Variants in NIM1K observed in about 807,000 individuals in gnomAD.
The protein encoded by NIM1K is serine/threonine-protein kinase NIM1.
NIM1K carries 35 observed loss-of-function variants against 37.1 expected under a neutral mutation model. The ratio of observed to expected loss-of-function variants is 0.94; its 90% CI spans 0.72 to 1.25. The LOEUF (loss-of-function observed/expected upper bound fraction) is 1.25. NIM1K is among the 50% of genes most tolerant of loss of function. The pLI, the probability that NIM1K is intolerant of heterozygous loss-of-function variation, is 0.00. For missense variants in NIM1K, 564 were observed against 548.0 expected (o/e 1.03, Z -0.29); for synonymous variants, 234 against 206.6 (o/e 1.13, Z -1.14).
chr5:43,255,750 A>T (rs201219302), intron 2 of NIM1K, among the ~76,000 whole-genome samples: 2 of 12,180 alleles, frequency 1.6e-4, no homozygotes, highest in African/African-American at 2.3e-4. Flanking sequence ...TCTGTCTCAA[A>T]AAAAAAAGAA....
chr5:43,265,561 A>G (rs1037900172), intron 2 of NIM1K, among the ~76,000 whole-genome samples: 7 of 152,180 alleles, frequency 4.6e-5, no homozygotes, highest in Non-Finnish European at 8.8e-5. Context: ...GATGGGTTCG[A>G]ACATCCTCCT....
At chr5:43,201,217 G>A (rs1044322222) in intron 1 of NIM1K, among the ~76,000 whole-genome samples, 1 of 152,038 alleles carries the variant, frequency 6.6e-6, no homozygotes, top group Non-Finnish European at 1.5e-5. Flanking sequence ...AGACCATTCT[G>A]GCTAACACGG....
chr5:43,280,083 A>G lies in NIM1K; in HGVS notation c.665A>G (p.Lys222Arg), dbSNP rs770034184. 7 of 1,614,200 alleles carry G rather than the reference A, an allele frequency of 4.3e-6. No individual in the cohort carries two copies. Among genetic ancestry groups the G allele is most frequent in the Non-Finnish European group, 5.1e-6 (6 of 1,180,038 alleles). ...GATTTTGGATTCAGCACAGTAAGCA[A>G]AAAAGGTGAAATGCTGAACACTTTC... ...VGDFGFSTVSKKGEMLNTFCG... is the reference protein window; with the variant it reads ...VGDFGFSTVSRKGEMLNTFCG... The change falls in exon 4 of 4, where the codon AAA becomes AGA. Residue 222 changes from lysine (K) to arginine (R), a missense_variant. Physicochemically the swap from Lys to Arg is conservative, Grantham distance 26 (BLOSUM62 2). Transcript: ENST00000326035.
intron 1 of NIM1K, among the ~76,000 whole-genome samples, chr5:43,212,360 T>G (rs1291647200): frequency 6.6e-6 from 1 of 152,156 alleles, no homozygotes; most frequent in East Asian, 1.9e-4. Flanking sequence ...CTGTTCCTGT[T>G]GCAGAGGCCC....
At chr5:43,276,320 G>A (rs1238176184) in intron 2 of NIM1K, among the ~76,000 whole-genome samples, 1 of 152,228 alleles carries the variant, frequency 6.6e-6, no homozygotes, top group African/African-American at 2.4e-5. Flanking sequence ...AAGGTGGAAG[G>A]CACATCACAC....
At chr5:43,266,651 G>A (rs985218389) in intron 2 of NIM1K, among the ~76,000 whole-genome samples, 20 of 152,188 alleles carry the variant, frequency 1.3e-4, no homozygotes, top group Non-Finnish European at 2.1e-4. Flanking sequence ...TGCGATGAAC[G>A]CGGTACCTCA....
intron 2 of NIM1K, among the ~76,000 whole-genome samples, chr5:43,249,177 C>T (rs1448114427): frequency 1.3e-5 from 2 of 151,998 alleles, no homozygotes; most frequent in African/African-American, 4.8e-5. Context: ...TCATGCCATT[C>T]TCCTGCCTCA....
At chr5:43,233,501 G>T (rs1391599981) in intron 1 of NIM1K, among the ~76,000 whole-genome samples, 1 of 152,138 alleles carries the variant, frequency 6.6e-6, no homozygotes, top group Non-Finnish European at 1.5e-5. Context: ...TGGTTTTATG[G>T]TGATAAAACT....
intron 2 of NIM1K, among the ~76,000 whole-genome samples, chr5:43,269,466 T>A (rs1753222109): frequency 6.6e-6 from 1 of 152,158 alleles, no homozygotes; most frequent in South Asian, 2.1e-4. Context: ...GTTTGTGATA[T>A]TTTATCCATT....
chr5:43,280,143 TC>T lies in NIM1K; in HGVS notation c.727del (p.Arg243GlyfsTer23). On this transcript the variant is annotated frameshift_variant, in exon 4 of 4. Transcript: ENST00000326035. LOFTEE classifies it high-confidence loss of function. ...CCTCCCTACGCTGCGCCTGAACTCTTCCGGGACGAGCACTACATCGGCATTT... is the reference window on the plus strand; with the variant it reads ...CCTCCCTACGCTGCGCCTGAACTCTTCGGGACGAGCACTACATCGGCATTT... ...GSPPYAAPELFRDEHYIGIYV... is the reference protein window; with the variant it reads ...GSPPYAAPELXRDEHYIGIYV... The T allele has an allele frequency of 5.6e-6, 9 of 1,614,200 alleles. No individual in the cohort carries two copies. The highest frequency in any genetic ancestry group is 7.6e-6 in the Non-Finnish European group (9 of 1,180,028).
chr5:43,273,807 G>T (rs1753295375), intron 2 of NIM1K, among the ~76,000 whole-genome samples: 1 of 152,164 alleles, frequency 6.6e-6, no homozygotes, highest in Admixed American at 6.5e-5. Flanking sequence ...CCCTTACCCA[G>T]ATAGTGCCTT....
chr5:43,250,471 C>T (rs922026795), intron 2 of NIM1K, among the ~76,000 whole-genome samples: 1 of 152,110 alleles, frequency 6.6e-6, no homozygotes, highest in Admixed American at 6.5e-5. Context: ...AGCATACATT[C>T]CTAGAAGTTA....
In NIM1K at chr5:43,218,814, A is replaced by T. The variant is rs554445788; in HGVS notation, c.-694-26268A>T. ...CACTGCAGCCTCAACTTCTCAACTC[A>T]AGAGATCCTGCCACCTCAGTGCCCC... On this transcript the variant is annotated intron_variant, in intron 1 of 3. Transcript: ENST00000326035. 9.3e-5 allele frequency among the ~76,000 whole-genome samples: 14 copies of T among 150,474 alleles called. No homozygotes were observed. The South Asian group carries it at 2.7e-3, about 29-fold the overall frequency.
At chr5:43,251,999 G>A (rs1053276377) in intron 2 of NIM1K, among the ~76,000 whole-genome samples, 1 of 152,092 alleles carries the variant, frequency 6.6e-6, no homozygotes, top group Non-Finnish European at 1.5e-5. Context: ...GAAGTCTCTG[G>A]GAAGGGAGAA....
intron 1 of NIM1K, among the ~76,000 whole-genome samples, chr5:43,198,360 C>T (rs762334776): frequency 2.7e-5 from 4 of 147,116 alleles, no homozygotes; most frequent in Non-Finnish European, 4.5e-5. Flanking sequence ...TTCTGTCTTG[C>T]TCTCTCTCTC....
At chr5:43,224,603 G>A (rs1238192599) in intron 1 of NIM1K, among the ~76,000 whole-genome samples, 1 of 151,930 alleles carries the variant, frequency 6.6e-6, no homozygotes, top group Non-Finnish European at 1.5e-5. Flanking sequence ...TATAAGTAGA[G>A]GGTTCATTTG....
chr5:43,209,096 C>T (rs1752168091), intron 1 of NIM1K, among the ~76,000 whole-genome samples: 2 of 152,164 alleles, frequency 1.3e-5, no homozygotes, highest in African/African-American at 4.8e-5. Context: ...ACATCACACC[C>T]TAAAAATAAA....
chr5:43,246,778 C>T (rs1276994778), intron 2 of NIM1K, among the ~76,000 whole-genome samples: 1 of 152,162 alleles, frequency 6.6e-6, no homozygotes, highest in Non-Finnish European at 1.5e-5. Flanking sequence ...CAGGGAGAAA[C>T]CATATGGAGA....
chr5:43,233,717 T>C (rs1392800563), intron 1 of NIM1K, among the ~76,000 whole-genome samples: 1 of 152,204 alleles, frequency 6.6e-6, no homozygotes, highest in African/African-American at 2.4e-5. Context: ...AAAAGAGCAG[T>C]TTCTGCTTTG....
Sources: allele counts gnomAD v4.1 joint callset (sites outside exome capture counted in the v4.1 genomes callset), GRCh38; gene constraint gnomAD v4.1.1; transcripts MANE v1.5; gene names NCBI Gene and HGNC (gene_info 2026-07-23, HGNC 2026-07-21).